CCNY: variants seen among roughly 807,000 people sequenced by gnomAD.
The protein encoded by CCNY is cyclin-Y.
A neutral mutation model predicts 42.8 loss-of-function variants in CCNY; 19 were observed. The ratio of observed to expected loss-of-function variants is 0.44; its 90% CI spans 0.31 to 0.65. The LOEUF is 0.65. Ranked by LOEUF, CCNY falls within the 30% of genes least tolerant of loss-of-function variation. The probability of loss-of-function intolerance (pLI) is 0.07; values close to 1 mark genes in which losing one functional copy is unlikely to be tolerated. For missense variants in CCNY, 370 were observed against 437.3 expected, an observed-to-expected ratio of 0.85 and a Z score of 1.37; for synonymous variants, 165 against 162.7, an observed-to-expected ratio of 1.01 and a Z score of -0.11.
intron 4 of CCNY, 100 bp downstream of exon 4, chr10:35,516,723 A>AAC: frequency 2.9e-6 from 2 of 696,122 alleles, no homozygotes; most frequent in Non-Finnish European, 4.4e-6. Context: ...CCTTAACCTG[A>AAC]CAGCTAAGCT....
In CCNY at chr10:35,419,533, C is replaced by CTTTTTTTTTTTTTTTTTTTTT. The variant is rs34429228; in HGVS notation, c.155-63856_155-63855insTTTTTTTTTTTTTTTTTTTTT. On this transcript the variant is annotated intron_variant, in intron 1 of 9. Coordinates refer to ENST00000374704, the MANE Select transcript of CCNY (RefSeq NM_145012.6). ...AGGACTGGGTTGCATTAGACCGTTC[C>CTTTTTTTTTTTTTTTTTTTTT]TTTTTTTTTTTTTTTAGCAATCTGG... Among the ~76,000 whole-genome samples, 24 of 129,678 alleles carry CTTTTTTTTTTTTTTTTTTTTT rather than the reference C, an allele frequency of 1.9e-4. 1 individual carries two copies. The highest frequency in any genetic ancestry group is 6.3e-4 in the African/African-American group (20 of 31,728). The allele number at this position is 129,678 out of a possible 152,430, so 85.1% of individuals were successfully genotyped here.
intron 1 of CCNY, among the ~76,000 whole-genome samples, chr10:35,371,098 G>A (rs1325491365): frequency 6.6e-6 from 1 of 152,166 alleles, no homozygotes; most frequent in African/African-American, 2.4e-5. Context: ...TTTTAAGAGG[G>A]CTGGATTTCT....
intron 1 of CCNY, among the ~76,000 whole-genome samples, chr10:35,337,972 T>G (rs1836087478): frequency 6.6e-6 from 1 of 152,240 alleles, no homozygotes; most frequent in East Asian, 1.9e-4. Context: ...TTATTTATTT[T>G]ATTGGTTTGG....
intron 3 of CCNY, among the ~76,000 whole-genome samples, chr10:35,323,290 A>G (rs1199540898): frequency 6.6e-6 from 1 of 152,138 alleles, no homozygotes; most frequent in Admixed American, 6.6e-5. Context: ...ACTCCTAGAT[A>G]TTTACCCAAG....
At chr10:35,449,639 G>T in intron 1 of CCNY, 1 of 296,686 alleles carries the variant, frequency 3.4e-6, no homozygotes, top group Non-Finnish European at 5.0e-6. Flanking sequence ...AGGAGAGAGA[G>T]GGTGGGAGGG....
intron 3 of CCNY, among the ~76,000 whole-genome samples, chr10:35,276,377 G>T (rs1248413282): frequency 6.6e-6 from 1 of 152,004 alleles, no homozygotes. Context: ...CCAGTTCTTG[G>T]TTTTTATTTA....
At chr10:35,316,137 C>T (rs889239568) in intron 3 of CCNY, among the ~76,000 whole-genome samples, 24 of 148,284 alleles carry the variant, frequency 1.6e-4, no homozygotes, top group African/African-American at 6.0e-4. Flanking sequence ...TGTGTGGATC[C>T]CAGTTGATTT....
chr10:35,370,739 G>A (rs1836914875), intron 1 of CCNY, among the ~76,000 whole-genome samples: 2 of 150,784 alleles, frequency 1.3e-5, no homozygotes, highest in Non-Finnish European at 2.9e-5. Flanking sequence ...TTTTTGAGAT[G>A]GAGTCTCGCA....
At chr10:35,360,433 T>A (rs1461700307) in intron 1 of CCNY, among the ~76,000 whole-genome samples, 1 of 151,808 alleles carries the variant, frequency 6.6e-6, no homozygotes. Flanking sequence ...ACCACAGGCA[T>A]GCACCACCAT....
intron 1 of CCNY, chr10:35,347,330 G>A (rs973365095): frequency 8.3e-6 from 3 of 362,750 alleles, no homozygotes; most frequent in Non-Finnish European, 7.7e-6. Context: ...AATCACATCC[G>A]TGCCAGTTTG....
chr10:35,416,160 C>CGT (rs57188309), intron 1 of CCNY, among the ~76,000 whole-genome samples: 40,932 of 144,382 alleles, frequency 0.28, 5,689 homozygotes, highest in Middle Eastern at 0.31. Context: ...TTGTGGCACC[C>CGT]GTGTGTGTGT....
chr10:35,352,015 CT>C (rs540821501), intron 1 of CCNY, among the ~76,000 whole-genome samples: 50 of 152,278 alleles, frequency 3.3e-4, no homozygotes, highest in Admixed American at 3.3e-3. Context: ...AGTGATCTAC[CT>C]AGTTTTCAAG....
At chr10:35,405,197 A>G (rs1030034442) in intron 1 of CCNY, among the ~76,000 whole-genome samples, 1 of 152,208 alleles carries the variant, frequency 6.6e-6, no homozygotes, top group Non-Finnish European at 1.5e-5. Flanking sequence ...TTAAAAGGCC[A>G]TGCTGTAACA....
intron 9 of CCNY, among the ~76,000 whole-genome samples, chr10:35,566,876 T>G (rs1482993706): frequency 6.6e-6 from 1 of 151,810 alleles, no homozygotes; most frequent in East Asian, 2.0e-4. Flanking sequence ...CAGCTAATTT[T>G]TTTTTGTATT....
At chr10:35,349,072 G>A (rs1836371692) in intron 1 of CCNY, among the ~76,000 whole-genome samples, 1 of 152,186 alleles carries the variant, frequency 6.6e-6, no homozygotes, top group African/African-American at 2.4e-5. Flanking sequence ...ATAGAGGGCC[G>A]CCTTTTTGTG....
intron 1 of CCNY, among the ~76,000 whole-genome samples, chr10:35,481,993 T>G (rs1839679928): frequency 6.6e-6 from 1 of 152,224 alleles, no homozygotes; most frequent in South Asian, 2.1e-4. Flanking sequence ...AGAAGTTATA[T>G]AATACAAGAA....
chr10:35,566,199 A>G lies in CCNY; in HGVS notation c.909+14A>G. 1 of 1,610,284 alleles carries G rather than the reference A, an allele frequency of 6.2e-7. No individual in the cohort carries two copies. Among genetic ancestry groups the G allele is most frequent in the Non-Finnish European group, 8.5e-7 (1 of 1,178,586 alleles). ...CACAAGCTTGAGGTAAGATGGTTTAAAACAGCGTTTTGTGGTGCAGTGTTG... is the reference window on the plus strand; with the variant it reads ...CACAAGCTTGAGGTAAGATGGTTTAGAACAGCGTTTTGTGGTGCAGTGTTG... On this transcript the variant is annotated intron_variant, in intron 9 of 9. Coordinates refer to ENST00000374704, the MANE Select transcript of CCNY (RefSeq NM_145012.6).
intron 1 of CCNY, among the ~76,000 whole-genome samples, chr10:35,470,476 T>G (rs1259002382): frequency 6.6e-6 from 1 of 152,088 alleles, no homozygotes; most frequent in Non-Finnish European, 1.5e-5. Context: ...CATGTAGACG[T>G]GTGGACACAG....
chr10:35,540,986 T>A (rs1840988319), intron 7 of CCNY, among the ~76,000 whole-genome samples: 1 of 152,172 alleles, frequency 6.6e-6, no homozygotes, highest in South Asian at 2.1e-4. Flanking sequence ...ATTGATTTTC[T>A]CTCGTTTTAG....
Sources: allele counts gnomAD v4.1 joint callset (sites outside exome capture counted in the v4.1 genomes callset), GRCh38; gene constraint gnomAD v4.1.1; transcripts MANE v1.5; gene names NCBI Gene and HGNC (gene_info 2026-07-23, HGNC 2026-07-21).